PSG9: variants seen among roughly 807,000 people sequenced by gnomAD.
PSG9 encodes pregnancy specific beta-1-glycoprotein 9.
In PSG9, 49 loss-of-function variants were observed where a neutral mutation model predicts 41.9. That is an observed-to-expected ratio of 1.17 (90% confidence interval 0.93 to 1.48). The LOEUF (loss-of-function observed/expected upper bound fraction) is 1.48. Ranked by LOEUF, PSG9 falls within the 40% of genes most tolerant of loss-of-function variation. The pLI is 0.00. For synonymous variants in PSG9, 263 were observed against 196.8 expected, an observed-to-expected ratio of 1.34 and a Z score of -2.82; for missense variants, 641 against 520.3, an observed-to-expected ratio of 1.23 and a Z score of -2.26.
intron 3 of PSG9, among the ~76,000 whole-genome samples, chr19:43,261,554 T>A (rs1328514119): frequency 6.6e-6 from 1 of 152,134 alleles, no homozygotes; most frequent in Non-Finnish European, 1.5e-5. Flanking sequence ...GTGAGCCAAG[T>A]CGCAACACTG....
intron 5 of PSG9, chr19:43,257,698 C>G (rs1968497709): frequency 9.0e-7 from 1 of 1,114,328 alleles, no homozygotes; most frequent in Non-Finnish European, 1.1e-6. Context: ...TGAGGCAGGG[C>G]CAGTCACCAG....
At chr19:43,259,193 C>T (rs909088535) in intron 3 of PSG9, 58 bp from the exon 4 acceptor site, 13 of 1,561,824 alleles carry the variant, frequency 8.3e-6, no homozygotes, top group South Asian at 2.3e-5. Context: ...CCTCCACAGG[C>T]ATACTTCAAT....
At position 43,256,869 on chromosome 19, in the gene PSG9, T is replaced by C. The variant is rs189739644; in HGVS notation, c.1243+1333A>G. 2.6e-4 allele frequency among the ~76,000 whole-genome samples: 38 copies of C among 146,804 alleles called. 7 individuals are homozygous for C. Among genetic ancestry groups the C allele is most frequent in the East Asian group, 1.9e-3 (8 of 4,272 alleles). ...ACTTCTGGACATACTCCCCATAGAA[T>C]TGAAAGAAATTTGAACAAATATTTG... On this transcript the variant is annotated intron_variant, in intron 5 of 5. Coordinates refer to ENST00000270077, the MANE Select transcript of PSG9 (RefSeq NM_002784.5).
rs143203238 is a variant in PSG9, at chr19:43,258,411, C to T, written c.1034G>A (p.Arg345His). The T allele has an allele frequency of 7.7e-5, 122 of 1,589,048 alleles. 7 individuals are homozygous for T. Among genetic ancestry groups the T allele is most frequent in the South Asian group, 1.6e-4 (14 of 89,312 alleles). ...PRIYPSFTYY[R>H]SGENLDLSCF... is the part of the protein sequence containing the mutation. ...GGACAAGTCGAGGTTTTCTCCTGAA[C>T]GGTAATAGGTGAATGAAGGGTAAAT... The change falls in exon 5 of 6, where the codon CGT becomes CAT. Residue 345 changes from arginine (R) to histidine (H), a missense_variant. Coordinates refer to ENST00000270077, the MANE Select transcript of PSG9 (RefSeq NM_002784.5).
chr19:43,261,115 C>G (rs542518216), intron 3 of PSG9, among the ~76,000 whole-genome samples: 2 of 152,074 alleles, frequency 1.3e-5, no homozygotes, highest in African/African-American at 2.4e-5. Flanking sequence ...TTTATTTTCC[C>G]TCTCCCTTTG....
At chr19:43,266,915 C>T (rs559001570) in intron 2 of PSG9, among the ~76,000 whole-genome samples, 1 of 152,150 alleles carries the variant, frequency 6.6e-6, no homozygotes, top group Non-Finnish European at 1.5e-5. Context: ...TGGACTGTGG[C>T]TTTTCATGCT....
rs1336480853 is a variant in PSG9 at position 43,253,688 on chromosome 19, TA to T, written c.1244-43del. On this transcript the variant is annotated intron_variant, in intron 5 of 5. Transcript: ENST00000270077. ...CCAGGTCAGTGCATTTCAAATTCACTACCTCCTTTACACAGAAAGCTTCTTT... is the reference window on the plus strand; with the variant it reads ...CCAGGTCAGTGCATTTCAAATTCACTCCTCCTTTACACAGAAAGCTTCTTT... 8.4e-6 allele frequency: 10 copies of T among 1,194,040 alleles called. 1 individual carries two copies. The highest frequency in any genetic ancestry group is 1.2e-5 in the Non-Finnish European group (10 of 838,266). The allele number at this position is 1,194,040 out of a possible 1,614,324, so 74.0% of individuals were successfully genotyped here. A position where few individuals can be genotyped will look rare whatever the true frequency, so the allele number is the denominator to read the frequency against.
intron 2 of PSG9, among the ~76,000 whole-genome samples, chr19:43,265,739 A>T (rs896572195): frequency 2.6e-5 from 4 of 152,138 alleles, no homozygotes; most frequent in Non-Finnish European, 5.9e-5. Flanking sequence ...GGCCAGAAGA[A>T]CTTGTCTGGC....
chr19:43,255,735 GAAA>G (rs913882751), intron 5 of PSG9, among the ~76,000 whole-genome samples: 1 of 145,748 alleles, frequency 6.9e-6, no homozygotes, highest in Non-Finnish European at 1.5e-5. Context: ...GGGAAATTAA[GAAA>G]AAAATTTCAA....
chr19:43,258,467 G>A lies in PSG9; in HGVS notation c.989-11C>T. 3.2e-6 allele frequency: 5 copies of A among 1,554,508 alleles called. No homozygotes were observed. Among genetic ancestry groups the A allele is most frequent in the Non-Finnish European group, 4.3e-6 (5 of 1,158,052 alleles). On this transcript the variant is annotated splice_polypyrimidine_tract_variant and intron_variant, in intron 4 of 5. Transcript: ENST00000270077. ...GGAGGTCTGGACCATCTGGAGGAAAGAGAATAAAGCCACACGTGATGTCAT... is the reference window on the plus strand; with the variant it reads ...GGAGGTCTGGACCATCTGGAGGAAAAAGAATAAAGCCACACGTGATGTCAT...
At chr19:43,260,790 G>C (rs1372420911) in intron 3 of PSG9, 1 of 152,046 alleles carries the variant, frequency 6.6e-6, no homozygotes, top group Non-Finnish European at 1.5e-5. Flanking sequence ...ACTCAATTGG[G>C]TAGTATTGTC....
At chr19:43,269,251 A>T (rs1401608619) in intron 1 of PSG9, 117 bp downstream of exon 1, 15 of 1,541,760 alleles carry the variant, frequency 9.7e-6, no homozygotes, top group South Asian at 5.6e-5. Context: ...TGATCCACCC[A>T]CCTCAGCCTC....
intron 3 of PSG9, among the ~76,000 whole-genome samples, chr19:43,261,068 G>A (rs775232363): frequency 8.5e-5 from 13 of 152,172 alleles, no homozygotes; most frequent in Middle Eastern, 3.4e-3. Flanking sequence ...AAAAGCTGGT[G>A]GTTTTGGAGC....
intron 2 of PSG9, among the ~76,000 whole-genome samples, chr19:43,262,809 C>G (rs1261358415): frequency 6.6e-6 from 1 of 152,138 alleles, no homozygotes; most frequent in African/African-American, 2.4e-5. Context: ...CAAGGAATGA[C>G]CTACAAAGAG....
At chr19:43,267,000 G>A (rs1227969175) in intron 2 of PSG9, among the ~76,000 whole-genome samples, 1 of 152,138 alleles carries the variant, frequency 6.6e-6, no homozygotes, top group Admixed American at 6.5e-5. Flanking sequence ...CACACAAGCA[G>A]CATTTATTAT....
intron 5 of PSG9, among the ~76,000 whole-genome samples, chr19:43,256,350 C>G (rs1326527165): frequency 6.8e-6 from 1 of 146,466 alleles, no homozygotes; most frequent in African/African-American, 2.6e-5. Context: ...TCGGACTTCA[C>G]AAAAATCAAA....
chr19:43,265,796 G>C (rs1391490177), intron 2 of PSG9, among the ~76,000 whole-genome samples: 1 of 152,134 alleles, frequency 6.6e-6, no homozygotes, highest in African/African-American at 2.4e-5. Flanking sequence ...CCATGTTCTT[G>C]TCCACAGGTC....
intron 2 of PSG9, among the ~76,000 whole-genome samples, chr19:43,266,141 A>C (rs8109809): frequency 2.6e-5 from 4 of 151,390 alleles, no homozygotes; most frequent in Admixed American, 1.3e-4. Flanking sequence ...GCAGTGAGGG[A>C]GACACTGACT....
chr19:43,263,079 C>G (rs570657017), intron 2 of PSG9, among the ~76,000 whole-genome samples: 117 of 152,284 alleles, frequency 7.7e-4, no homozygotes, highest in African/African-American at 2.8e-3. Context: ...CAGATACTTT[C>G]TCTCATTGGA....
Sources: allele counts gnomAD v4.1 joint callset (sites outside exome capture counted in the v4.1 genomes callset), GRCh38; gene constraint gnomAD v4.1.1; transcripts MANE v1.5; gene names NCBI Gene and HGNC (gene_info 2026-07-23, HGNC 2026-07-21).